Variants in SLC26A8 observed in about 807,000 individuals in gnomAD.
The protein encoded by SLC26A8 is testis anion transporter 1.
A neutral mutation model predicts 105.0 loss-of-function variants in SLC26A8; 70 were observed. The observed-to-expected ratio is 0.67, with a 90% confidence interval of 0.55 to 0.81. The LOEUF (loss-of-function observed/expected upper bound fraction) is 0.81. Ranked by LOEUF, SLC26A8 falls within the 40% of genes least tolerant of loss-of-function variation. The pLI is 0.00. For synonymous variants in SLC26A8, 415 were observed against 438.3 expected, an observed-to-expected ratio of 0.95 and a Z score of 0.66; for missense variants, 998 against 1,181.8, an observed-to-expected ratio of 0.84 and a Z score of 2.28.
Position 35,943,856 on chromosome 6 carries a change from A to G in SLC26A8, c.*44T>C. 1 of 1,584,146 alleles carries G rather than the reference A, an allele frequency of 6.3e-7. No homozygotes were observed. Among genetic ancestry groups the G allele is most frequent in the Non-Finnish European group, 8.6e-7 (1 of 1,163,728 alleles). Reference sequence around the variant, plus strand: ...GACAATTGACCCCTTTTTGGGTAGGAGGATTTGCCAGCATTATCTGACCCC... The same window carrying G: ...GACAATTGACCCCTTTTTGGGTAGGGGGATTTGCCAGCATTATCTGACCCC... On this transcript the variant is annotated 3_prime_UTR_variant, in exon 20 of 20. Coordinates refer to ENST00000490799, the MANE Select transcript of SLC26A8 (RefSeq NM_052961.4).
intron 8 of SLC26A8, among the ~76,000 whole-genome samples, chr6:35,978,085 C>CA (rs57884642): frequency 0.52 from 49,165 of 95,270 alleles, 10,968 homozygotes; most frequent in African/African-American, 0.68. Flanking sequence ...GACTCAGTCT[C>CA]AAAAAAAAAA....
At chr6:35,965,897 A>G (rs1397605787) in intron 11 of SLC26A8, among the ~76,000 whole-genome samples, 2 of 151,162 alleles carry the variant, frequency 1.3e-5, no homozygotes, top group African/African-American at 4.9e-5. Flanking sequence ...AGGCTGAGGC[A>G]GGAAAATTGC....
Position 36,018,294 on chromosome 6 carries a change from G to A in SLC26A8, c.188+1226C>T, listed in dbSNP as rs530822665. 1.1e-4 allele frequency among the ~76,000 whole-genome samples: 17 copies of A among 152,304 alleles called. No homozygotes were observed. The South Asian group carries it at 3.3e-3, about 30-fold the overall frequency. ...TGTTAACGAATGGATAAACAAAAATGTGGTATATAAATACAATGGAATATT... is the reference window on the plus strand; with the variant it reads ...TGTTAACGAATGGATAAACAAAAATATGGTATATAAATACAATGGAATATT... On this transcript the variant is annotated intron_variant, in intron 2 of 19. Transcript: ENST00000490799.
intron 5 of SLC26A8, among the ~76,000 whole-genome samples, chr6:35,995,490 T>C (rs1761324716): frequency 1.3e-5 from 2 of 152,302 alleles, no homozygotes; most frequent in South Asian, 4.1e-4. Context: ...ATGAATATTA[T>C]TTTATGCTTA....
rs376703436 is a variant in SLC26A8, at chr6:36,021,639, G to T, written c.-2-1930C>A. Among the ~76,000 whole-genome samples, 33 of 152,248 alleles carry T rather than the reference G, an allele frequency of 2.2e-4. 1 individual carries two copies. The East Asian group carries it at 4.4e-3, about 20-fold the overall frequency. On this transcript the variant is annotated intron_variant, in intron 1 of 19. Transcript: ENST00000490799. ...TTAGCTCTAGCCATTTTTGCCATCG[G>T]TCAATGTGGGGCCCGGAATGGCTTA...
intron 4 of SLC26A8, among the ~76,000 whole-genome samples, chr6:35,998,973 C>A (rs570794417): frequency 1.3e-5 from 2 of 152,266 alleles, no homozygotes; most frequent in East Asian, 1.9e-4. Flanking sequence ...TGGCTCACTG[C>A]AACCTCCACC....
At chr6:36,021,792 T>G (rs947493573) in intron 1 of SLC26A8, among the ~76,000 whole-genome samples, 1 of 152,066 alleles carries the variant, frequency 6.6e-6, no homozygotes, top group Admixed American at 6.5e-5. Flanking sequence ...ATTATTTTAT[T>G]TTATTTTTTG....
At chr6:36,022,121 C>T (rs1158360516) in intron 1 of SLC26A8, among the ~76,000 whole-genome samples, 2 of 152,152 alleles carry the variant, frequency 1.3e-5, no homozygotes, top group Admixed American at 1.3e-4. Context: ...CATGTGCCAC[C>T]ACATCTGGCT....
chr6:35,979,750 A>G (rs1183206246), intron 8 of SLC26A8, among the ~76,000 whole-genome samples: 1 of 152,200 alleles, frequency 6.6e-6, no homozygotes, highest in African/African-American at 2.4e-5. Flanking sequence ...TCTCTGTAAC[A>G]GCCGATTCTT....
At chr6:36,017,356 G>A (rs1454789747) in intron 2 of SLC26A8, among the ~76,000 whole-genome samples, 1 of 152,064 alleles carries the variant, frequency 6.6e-6, no homozygotes, top group African/African-American at 2.4e-5. Context: ...TCTACATCAG[G>A]TGCGGTGGCT....
Position 35,981,920 on chromosome 6 carries a change from T to C in SLC26A8, c.1025+201A>G, listed in dbSNP as rs926888795. Among the ~76,000 whole-genome samples, 2 of 152,166 alleles carry C rather than the reference T, an allele frequency of 1.3e-5. No individual in the cohort carries two copies. Among genetic ancestry groups the C allele is most frequent in the African/African-American group, 4.8e-5 (2 of 41,446 alleles). ...CTGGATAAGGGGATGGGTTCAACTA[T>C]GAGAAGAGAGACAGAGGCTGACCAG... On this transcript the variant is annotated intron_variant, in intron 8 of 19. Coordinates refer to ENST00000490799, the MANE Select transcript of SLC26A8 (RefSeq NM_052961.4). The surrounding 1 kb of genome is among the most constrained non-coding windows in gnomAD (Gnocchi z 4.0).
At chr6:36,013,799 C>T (rs991495613) in intron 2 of SLC26A8, among the ~76,000 whole-genome samples, 1 of 152,140 alleles carries the variant, frequency 6.6e-6, no homozygotes, top group Non-Finnish European at 1.5e-5. Context: ...ATAACTTTAA[C>T]GTAGTCAGGG....
At position 35,959,353 on chromosome 6, in the gene SLC26A8, T is replaced by C. The variant is rs1772217915; in HGVS notation, c.1863+107A>G. Reference sequence around the variant, plus strand: ...ATTTCTGAATTCTTCATGGTCCATCTAAAAGTCAAAATCCCTTAGAGGTTT... The same window carrying C: ...ATTTCTGAATTCTTCATGGTCCATCCAAAAGTCAAAATCCCTTAGAGGTTT... On this transcript the variant is annotated intron_variant, in intron 16 of 19. Coordinates refer to ENST00000490799, the MANE Select transcript of SLC26A8 (RefSeq NM_052961.4). The C allele has an allele frequency of 1.8e-5, 23 of 1,287,642 alleles. No homozygotes were observed. In the South Asian group the frequency reaches 3.6e-4, roughly 20 times the overall value. The allele number at this position is 1,287,642 out of a possible 1,614,324, so 79.8% of individuals were successfully genotyped here.
At chr6:36,010,878 A>G (rs973832847) in intron 3 of SLC26A8, among the ~76,000 whole-genome samples, 3 of 152,044 alleles carry the variant, frequency 2.0e-5, no homozygotes, top group Non-Finnish European at 2.9e-5. Context: ...CCAAAAGGGG[A>G]AAAAAAGCGC....
At chr6:35,963,915 T>C (rs1264396440) in intron 11 of SLC26A8, among the ~76,000 whole-genome samples, 1 of 152,200 alleles carries the variant, frequency 6.6e-6, no homozygotes, top group Non-Finnish European at 1.5e-5. Flanking sequence ...TGAGCAAATT[T>C]AAAATACTGA....
chr6:36,004,525 G>T, intron 3 of SLC26A8, among the ~76,000 whole-genome samples: 1 of 150,622 alleles, frequency 6.6e-6, no homozygotes, highest in African/African-American at 2.4e-5. Flanking sequence ...TGAATTCTTT[G>T]CATAAAAATC....
intron 7 of SLC26A8, among the ~76,000 whole-genome samples, chr6:35,987,651 G>A (rs369416152): frequency 5.9e-5 from 9 of 152,036 alleles, no homozygotes; most frequent in African/African-American, 1.4e-4. Context: ...GATTACAGGC[G>A]TGAGCCACCG....
At chr6:35,993,576 T>C (rs957451213) in intron 5 of SLC26A8, among the ~76,000 whole-genome samples, 1 of 152,154 alleles carries the variant, frequency 6.6e-6, no homozygotes, top group South Asian at 2.1e-4. Flanking sequence ...TTATGTTATA[T>C]AGTATATAAT....
chr6:36,020,080 C>T (rs914285967), intron 1 of SLC26A8, among the ~76,000 whole-genome samples: 2 of 152,190 alleles, frequency 1.3e-5, no homozygotes, highest in Non-Finnish European at 2.9e-5. Flanking sequence ...CACTATCCAG[C>T]ATATATGAAG....
Sources: allele counts gnomAD v4.1 joint callset (sites outside exome capture counted in the v4.1 genomes callset), GRCh38; gene constraint gnomAD v4.1.1; non-coding constraint Gnocchi (gnomAD v3.1); transcripts MANE v1.5; gene names NCBI Gene and HGNC (gene_info 2026-07-23, HGNC 2026-07-21).